The following AKAP7 variants were observed in gnomAD, a reference collection of about 807,000 sequenced individuals.
The protein encoded by AKAP7 is A kinase (PRKA) anchor protein 7.
A neutral mutation model predicts 39.5 loss-of-function variants in AKAP7; 39 were observed. The ratio of observed to expected loss-of-function variants is 0.99; its 90% confidence interval spans 0.76 to 1.29. The LOEUF is 1.29. Ranked by LOEUF, AKAP7 falls within the 50% of genes most tolerant of loss-of-function variation. The probability of loss-of-function intolerance (pLI) is 0.00; values close to 1 mark genes in which losing one functional copy is unlikely to be tolerated. For missense variants in AKAP7, 414 were observed against 407.7 expected (o/e 1.02, Z -0.13); for synonymous variants, 140 against 139.1 (o/e 1.01, Z -0.05).
chr6:131,227,644 A>G (rs1810290580), intron 7 of AKAP7, among the ~76,000 whole-genome samples: 2 of 152,182 alleles, frequency 1.3e-5, no homozygotes, highest in African/African-American at 4.8e-5. Context: ...AGAAGAAGCA[A>G]AGATCTCCAT....
chr6:131,255,263 G>T (rs769989391), intron 7 of AKAP7, among the ~76,000 whole-genome samples: 4 of 152,148 alleles, frequency 2.6e-5, no homozygotes, highest in Non-Finnish European at 5.9e-5. Context: ...CCCAGAGGAG[G>T]CATGTTCTAA....
chr6:131,207,163 T>C (rs1472494030), intron 6 of AKAP7, among the ~76,000 whole-genome samples: 2 of 152,166 alleles, frequency 1.3e-5, no homozygotes, highest in Non-Finnish European at 2.9e-5. Flanking sequence ...TAACCTCATA[T>C]TGGCTTTCTT....
intron 7 of AKAP7, among the ~76,000 whole-genome samples, chr6:131,221,528 T>C (rs1190558578): frequency 2.0e-5 from 3 of 152,190 alleles, no homozygotes; most frequent in African/African-American, 4.8e-5. Context: ...CAGCCTTCTA[T>C]TGGAAGAAGA....
intron 4 of AKAP7, among the ~76,000 whole-genome samples, chr6:131,168,569 G>C (rs1225286224): frequency 6.6e-6 from 1 of 152,174 alleles, no homozygotes; most frequent in Non-Finnish European, 1.5e-5. Flanking sequence ...AACTTACATA[G>C]TTACAATTGG....
chr6:131,166,885 C>A (rs1437507775), intron 4 of AKAP7, among the ~76,000 whole-genome samples: 1 of 152,056 alleles, frequency 6.6e-6, no homozygotes, highest in Non-Finnish European at 1.5e-5. Context: ...TTTTCAAAGT[C>A]TAATATCAAG....
At chr6:131,220,382 A>C (rs1809595673) in intron 7 of AKAP7, among the ~76,000 whole-genome samples, 1 of 152,204 alleles carries the variant, frequency 6.6e-6, no homozygotes, top group South Asian at 2.1e-4. Flanking sequence ...AAGTGTGTAC[A>C]CTTAGGGAGA....
chr6:131,248,071 T>A (rs1812176027), intron 7 of AKAP7, among the ~76,000 whole-genome samples: 1 of 152,166 alleles, frequency 6.6e-6, no homozygotes, highest in East Asian at 1.9e-4. Context: ...GGAGGCCAGA[T>A]ATATAAGCAT....
intron 5 of AKAP7, among the ~76,000 whole-genome samples, chr6:131,198,610 C>G (rs1317483315): frequency 4.6e-5 from 7 of 152,080 alleles, no homozygotes; most frequent in Non-Finnish European, 7.4e-5. Context: ...TACCTAATGT[C>G]TCATGAATCT....
the AKAP7 span, among the ~76,000 whole-genome samples, chr6:131,129,579 G>A: frequency 6.6e-6 from 1 of 152,046 alleles, no homozygotes; most frequent in African/African-American, 2.4e-5. Flanking sequence ...TTTTAGATTT[G>A]TAGTTAGAAA....
At chr6:131,274,339 C>T (rs1028065300) in intron 7 of AKAP7, among the ~76,000 whole-genome samples, 16 of 152,184 alleles carry the variant, frequency 1.1e-4, no homozygotes, top group African/African-American at 3.4e-4. Flanking sequence ...TTTCTGCATT[C>T]GTTTTCTGCA....
At chr6:131,128,926 A>G in the AKAP7 span, among the ~76,000 whole-genome samples, 1 of 152,166 alleles carries the variant, frequency 6.6e-6, no homozygotes, top group Non-Finnish European at 1.5e-5. Context: ...GATGAATTTA[A>G]ATGAGGTTGA....
chr6:131,142,412 C>G (rs1801122381), intron 1 of AKAP7, among the ~76,000 whole-genome samples: 2 of 152,236 alleles, frequency 1.3e-5, no homozygotes, highest in Non-Finnish European at 2.9e-5. Context: ...CAAAAGGCCC[C>G]AGCGACAGCT....
In AKAP7 at chr6:131,265,004, G is replaced by A. The variant is rs115458262; in HGVS notation, c.851-16526G>A. On this transcript the variant is annotated intron_variant, in intron 7 of 7. Coordinates refer to ENST00000431975, the MANE Select transcript of AKAP7 (RefSeq NM_016377.4). ...CCATGATCCAAATACCTCCCACCAG[G>A]CCCCACCTTCAACACTGGGGATTAT... 8.0e-3 allele frequency among the ~76,000 whole-genome samples: 1,220 copies of A among 152,214 alleles called. 17 individuals carry two copies. The highest frequency in any genetic ancestry group is 0.028 in the African/African-American group (1,155 of 41,550).
chr6:131,191,390 A>C (rs1163117847), intron 5 of AKAP7, among the ~76,000 whole-genome samples: 1 of 152,222 alleles, frequency 6.6e-6, no homozygotes, highest in East Asian at 1.9e-4. Context: ...CTCTAAGTTG[A>C]TAAGTTAATT....
intron 7 of AKAP7, among the ~76,000 whole-genome samples, chr6:131,239,329 C>T (rs972901826): frequency 6.6e-6 from 1 of 152,184 alleles, no homozygotes; most frequent in Non-Finnish European, 1.5e-5. Flanking sequence ...TTCTCTCTGG[C>T]TGCCCTTAAC....
At chr6:131,189,170 A>G (rs934558099) in intron 5 of AKAP7, among the ~76,000 whole-genome samples, 5 of 152,204 alleles carry the variant, frequency 3.3e-5, no homozygotes, top group African/African-American at 7.2e-5. Flanking sequence ...GAGAGAGAAT[A>G]TCATACTGCA....
At chr6:131,225,972 C>T (rs1810126318) in intron 7 of AKAP7, among the ~76,000 whole-genome samples, 1 of 152,154 alleles carries the variant, frequency 6.6e-6, no homozygotes, top group South Asian at 2.1e-4. Context: ...AAATTACTTG[C>T]CAATACTAGT....
At chr6:131,274,278 C>T (rs1333619091) in intron 7 of AKAP7, among the ~76,000 whole-genome samples, 2 of 152,028 alleles carry the variant, frequency 1.3e-5, no homozygotes, top group East Asian at 1.9e-4. Flanking sequence ...TTGAGTTTCT[C>T]GATTTGAGGA....
chr6:131,219,755 T>C lies in AKAP7; in HGVS notation c.797T>C (p.Leu266Pro), dbSNP rs1370230195. The C allele has an allele frequency of 2.5e-6, 4 of 1,595,496 alleles. No homozygotes were observed. Among genetic ancestry groups the C allele is most frequent in the Non-Finnish European group, 3.4e-6 (4 of 1,171,940 alleles). ...TATCGCATAGATCTTTGCTCCATGC[T>C]GAAGAAAAAACAAAGTAATGGTTAT... ...ILYRIDLCSM[L>P]KKKQSNGYYH... Residue 266 changes from leucine to proline, a missense_variant, in exon 7 of 8, where the codon CTG (leucine) becomes CCG (proline). Transcript: ENST00000431975.
Sources: gnomAD v4.1 joint callset for allele counts (sites outside exome capture counted in the v4.1 genomes callset) on GRCh38, gnomAD v4.1.1 for gene constraint, MANE v1.5 for transcripts, NCBI Gene and HGNC (gene_info 2026-07-23, HGNC 2026-07-21) for gene names.